The following HYAL4 variants were observed in gnomAD, a reference collection of about 807,000 sequenced individuals.
HYAL4 encodes the protein hyaluronidase 4, also known as hyaluronidase-4.
HYAL4 carries 37 observed loss-of-function variants against 35.2 expected under a neutral mutation model. The observed-to-expected ratio is 1.05, with a 90% CI of 0.81 to 1.38. The LOEUF is 1.38. Among genes scored for constraint, HYAL4 ranks in the 40% most tolerant of loss-of-function variants. The pLI is 0.00. For synonymous variants in HYAL4, 198 were observed against 203.2 expected, an observed-to-expected ratio of 0.97 and a Z score of 0.22; for missense variants, 572 against 572.4, an observed-to-expected ratio of 1.00 and a Z score of 0.01.
the HYAL4 span, among the ~76,000 whole-genome samples, chr7:123,807,193 T>A: frequency 6.6e-6 from 1 of 152,134 alleles, no homozygotes; most frequent in South Asian, 2.1e-4. Flanking sequence ...AAATTTCTCA[T>A]CAGAAATTTA....
At chr7:123,867,670 G>A (rs1235139146) in intron 2 of HYAL4, among the ~76,000 whole-genome samples, 1 of 152,096 alleles carries the variant, frequency 6.6e-6, no homozygotes, top group Non-Finnish European at 1.5e-5. Flanking sequence ...CTTACTCCAA[G>A]AAGTAATTGC....
At chr7:123,794,044 G>A in the HYAL4 span, among the ~76,000 whole-genome samples, 1,701 of 152,324 alleles carry the variant, frequency 0.011, 32 homozygotes, top group African/African-American at 0.039. Flanking sequence ...TGATCATGAT[G>A]TGGACAACAA....
intron 2 of HYAL4, among the ~76,000 whole-genome samples, chr7:123,857,672 T>TCTTC (rs1554419627): frequency 0.27 from 16,131 of 59,846 alleles, 1,043 homozygotes; most frequent in Non-Finnish European, 0.32. Context: ...TTTGTTTGTT[T>TCTTC]CTTTCTTTCT....
Position 123,868,491 on chromosome 7 carries a change from C to A in HYAL4, c.218C>A (p.Pro73His). 6.2e-7 allele frequency: 1 copy of A among 1,604,872 alleles called. No individual in the cohort carries two copies. Residue 73 changes from proline (P) to histidine (H), a missense_variant, in exon 3 of 5, where the codon CCT (proline) becomes CAT (histidine). Pro to His is a moderately conservative substitution (Grantham distance 77). Transcript: ENST00000223026. ...TTAAGACTAAATTTGAAAATGTTTCCTGTGATTGGAAGCCCACTGGCCAAG... is the reference window on the plus strand; with the variant it reads ...TTAAGACTAAATTTGAAAATGTTTCATGTGATTGGAAGCCCACTGGCCAAG... The part of the protein sequence containing the change: ...YNLRLNLKMF[P>H]VIGSPLAKAR...
intron 2 of HYAL4, among the ~76,000 whole-genome samples, chr7:123,852,891 T>C (rs1300846868): frequency 6.6e-6 from 1 of 152,222 alleles, no homozygotes; most frequent in Non-Finnish European, 1.5e-5. Flanking sequence ...TTTCCATTTG[T>C]TTGTGTCCTC....
At chr7:123,787,830 A>C in the HYAL4 span, among the ~76,000 whole-genome samples, 1 of 152,302 alleles carries the variant, frequency 6.6e-6, no homozygotes, top group Non-Finnish European at 1.5e-5. Context: ...ACAGAAAAAG[A>C]GATAATTTTT....
At chr7:123,835,615 T>C (rs1805952078) in intron 1 of HYAL4, among the ~76,000 whole-genome samples, 1 of 152,182 alleles carries the variant, frequency 6.6e-6, no homozygotes, top group South Asian at 2.1e-4. Context: ...TTTATTCTAC[T>C]GGGTGTGGGT....
At chr7:123,806,747 C>T in the HYAL4 span, among the ~76,000 whole-genome samples, 108 of 152,210 alleles carry the variant, frequency 7.1e-4, no homozygotes, top group African/African-American at 2.5e-3. Flanking sequence ...CCACCACGCC[C>T]GGCCCTTGCT....
At chr7:123,869,684 T>C (rs1806811276) in intron 3 of HYAL4, among the ~76,000 whole-genome samples, 3 of 145,526 alleles carry the variant, frequency 2.1e-5, no homozygotes, top group South Asian at 4.4e-4. Flanking sequence ...AATCTTTGTT[T>C]TGTTTTTTTT....
At chr7:123,793,712 G>C in the HYAL4 span, among the ~76,000 whole-genome samples, 1 of 152,188 alleles carries the variant, frequency 6.6e-6, no homozygotes, top group Admixed American at 6.5e-5. Context: ...CAGCCATGCT[G>C]AACTGTGAAT....
the HYAL4 span, among the ~76,000 whole-genome samples, chr7:123,809,971 C>A: frequency 6.6e-6 from 1 of 152,198 alleles, no homozygotes; most frequent in Non-Finnish European, 1.5e-5. Context: ...TTAGTCTCAA[C>A]AACCAGATTT....
In HYAL4 at chr7:123,837,130, G is replaced by A. The variant is rs567761648; in HGVS notation, c.-256-7115G>A. 2.6e-5 allele frequency among the ~76,000 whole-genome samples: 4 copies of A among 152,198 alleles called. No individual in the cohort carries two copies. In the South Asian group the frequency reaches 8.3e-4, roughly 32 times the overall value. ...TGGTGAATTCTCTCAGCATTTGTTT[G>A]TCTGAAAAAGACTATCTTTCCTTCA... On this transcript the variant is annotated intron_variant, in intron 1 of 4. Coordinates refer to the HYAL4 transcript ENST00000489978.
At chr7:123,784,468 GAC>G in the HYAL4 span, among the ~76,000 whole-genome samples, 2 of 152,144 alleles carry the variant, frequency 1.3e-5, no homozygotes, top group Admixed American at 1.3e-4. Context: ...CACAGCTGCT[GAC>G]ACAGAGTCCT....
intron 1 of HYAL4, among the ~76,000 whole-genome samples, chr7:123,846,232 C>G (rs1458824032): frequency 6.6e-6 from 1 of 152,010 alleles, no homozygotes; most frequent in Non-Finnish European, 1.5e-5. Flanking sequence ...CCTTTGTCTT[C>G]AGCTGCCAGG....
chr7:123,785,250 T>A, the HYAL4 span, among the ~76,000 whole-genome samples: 1 of 152,072 alleles, frequency 6.6e-6, no homozygotes, highest in Non-Finnish European at 1.5e-5. The surrounding 1 kb of genome is among the most constrained non-coding windows in gnomAD (Gnocchi z 4.5). Context: ...CACGCCTGGT[T>A]ATTTTTTTTT....
chr7:123,871,457 G>A (rs185897509), intron 3 of HYAL4, among the ~76,000 whole-genome samples: 2 of 152,056 alleles, frequency 1.3e-5, no homozygotes, highest in Non-Finnish European at 2.9e-5. Context: ...CTCCCAAAGC[G>A]CTGGGATTTT....
the HYAL4 span, chr7:123,814,843 AG>A: frequency 8.1e-6 from 1 of 123,872 alleles, no homozygotes; most frequent in African/African-American, 3.0e-5. Flanking sequence ...GTGGGAAAAA[AG>A]CGCAGCACTT....
the HYAL4 span, among the ~76,000 whole-genome samples, chr7:123,813,874 A>G: frequency 1.3e-5 from 2 of 152,226 alleles, no homozygotes; most frequent in Admixed American, 6.5e-5. Flanking sequence ...ATTCAGAATC[A>G]TAGGAAATTA....
chr7:123,826,838 T>G (rs559783998), upstream of HYAL4, among the ~76,000 whole-genome samples: 1 of 152,182 alleles, frequency 6.6e-6, no homozygotes, highest in South Asian at 2.1e-4. Context: ...CTGGATATAT[T>G]TCAAAGGTAG....
Sources: allele counts gnomAD v4.1 joint callset (sites outside exome capture counted in the v4.1 genomes callset), GRCh38; gene constraint gnomAD v4.1.1; non-coding constraint Gnocchi (gnomAD v3.1); transcripts MANE v1.5; gene names NCBI Gene and HGNC (gene_info 2026-07-23, HGNC 2026-07-21).